CACNA2D3: variants seen among roughly 807,000 people sequenced by gnomAD.
CACNA2D3 encodes the protein calcium voltage-gated channel auxiliary subunit alpha2delta 3.
Under a neutral mutation model 160.6 loss-of-function variants are expected in CACNA2D3, and 60 were observed. The ratio of observed to expected loss-of-function variants is 0.37; its 90% CI spans 0.30 to 0.46. The LOEUF (loss-of-function observed/expected upper bound fraction) is 0.46. CACNA2D3 is among the 20% of genes least tolerant of loss of function. The pLI is 1.00. For missense variants in CACNA2D3, 1,205 were observed against 1,365.0 expected (o/e 0.88, Z 1.85); for synonymous variants, 558 against 492.9 (o/e 1.13, Z -1.75).
chr3:54,981,102 T>C (rs1481267080), intron 29 of CACNA2D3, among the ~76,000 whole-genome samples: 1 of 152,174 alleles, frequency 6.6e-6, no homozygotes, highest in African/African-American at 2.4e-5. Context: ...CATGCTGCCA[T>C]GGTGAAAAGA....
At chr3:54,161,711 A>G (rs1349208) in intron 2 of CACNA2D3, among the ~76,000 whole-genome samples, 3,647 of 152,310 alleles carry the variant, frequency 0.024, 245 homozygotes, top group East Asian at 0.2. Flanking sequence ...GTTCAATATC[A>G]TGATATGAAA....
intron 2 of CACNA2D3, among the ~76,000 whole-genome samples, chr3:54,253,922 C>G (rs1702245401): frequency 6.6e-6 from 1 of 151,932 alleles, no homozygotes; most frequent in Non-Finnish European, 1.5e-5. Context: ...TGCCTGCCAC[C>G]ACGCCTGGCT....
intron 4 of CACNA2D3, among the ~76,000 whole-genome samples, chr3:54,462,471 C>A (rs1700525289): frequency 6.6e-6 from 1 of 152,138 alleles, no homozygotes. Context: ...GTATTGGGGG[C>A]ATATATATTT....
intron 9 of CACNA2D3, among the ~76,000 whole-genome samples, chr3:54,609,734 T>C (rs1698710241): frequency 6.6e-6 from 1 of 152,228 alleles, no homozygotes; most frequent in Non-Finnish European, 1.5e-5. Context: ...CTTGTGTATA[T>C]TGTGACTCTC....
chr3:54,472,740 T>C (rs1162657973), intron 4 of CACNA2D3, among the ~76,000 whole-genome samples: 1 of 152,090 alleles, frequency 6.6e-6, no homozygotes, highest in African/African-American at 2.4e-5. Flanking sequence ...TGTACACCAA[T>C]AATAGATAAA....
At chr3:54,147,892 C>CA (rs1700066352) in intron 2 of CACNA2D3, among the ~76,000 whole-genome samples, 1 of 152,218 alleles carries the variant, frequency 6.6e-6, no homozygotes, top group Non-Finnish European at 1.5e-5. Context: ...CCACAACCTC[C>CA]GCCTCCTGGG....
chr3:54,274,110 A>G (rs1307163866), intron 2 of CACNA2D3, among the ~76,000 whole-genome samples: 1 of 152,086 alleles, frequency 6.6e-6, no homozygotes, highest in Admixed American at 6.6e-5. Flanking sequence ...TGACTCTAAC[A>G]TTTACCCCAT....
At chr3:54,921,010 G>C (rs560459285) in intron 27 of CACNA2D3, among the ~76,000 whole-genome samples, 1 of 152,206 alleles carries the variant, frequency 6.6e-6, no homozygotes, top group Non-Finnish European at 1.5e-5. Flanking sequence ...CTGTGCAGGT[G>C]ATCCTCAGCC....
At chr3:54,827,697 A>C (rs915118426) in intron 14 of CACNA2D3, among the ~76,000 whole-genome samples, 41 of 152,338 alleles carry the variant, frequency 2.7e-4, no homozygotes, top group African/African-American at 9.6e-4. Context: ...AGACTGTATA[A>C]TGTGAAAGAG....
chr3:55,060,212 T>A (rs928389593), intron 35 of CACNA2D3, among the ~76,000 whole-genome samples: 3 of 152,160 alleles, frequency 2.0e-5, no homozygotes, highest in Non-Finnish European at 2.9e-5. Context: ...CTATTAAACC[T>A]GTGCTATCTT....
At chr3:54,370,629 A>G (rs1470355276) in intron 3 of CACNA2D3, among the ~76,000 whole-genome samples, 2 of 152,220 alleles carry the variant, frequency 1.3e-5, no homozygotes, top group Non-Finnish European at 1.5e-5. Flanking sequence ...CCAAGGACTT[A>G]TTGTACCCAT....
chr3:54,822,779 T>C (rs1365980021), intron 14 of CACNA2D3, among the ~76,000 whole-genome samples: 1,605 of 87,830 alleles, frequency 0.018, 64 homozygotes, highest in African/African-American at 0.066. Flanking sequence ...TCTTTCTTTC[T>C]TTCTTTCTTT....
Position 54,420,527 on chromosome 3 carries a change from C to T in CACNA2D3, c.381+33753C>T, listed in dbSNP as rs534487880. 5.9e-5 allele frequency among the ~76,000 whole-genome samples: 9 copies of T among 152,330 alleles called. No homozygotes were observed. The East Asian group carries it at 1.5e-3, about 26-fold the overall frequency. On this transcript the variant is annotated intron_variant, in intron 4 of 37. Transcript: ENST00000474759. ...TTTTGACCTCAGATCTCAGTGACAT[C>T]TCCTGCCAGGTCCACTTCCAGTCTC...
chr3:55,072,423 A>G (rs2107235538), intron 35 of CACNA2D3, among the ~76,000 whole-genome samples: 1 of 152,378 alleles, frequency 6.6e-6, no homozygotes, highest in Middle Eastern at 3.4e-3. Context: ...CCCATAAAGC[A>G]GAAGAACTTT....
intron 27 of CACNA2D3, among the ~76,000 whole-genome samples, chr3:54,966,023 G>A (rs990867966): frequency 8.5e-5 from 13 of 152,284 alleles, no homozygotes; most frequent in African/African-American, 2.6e-4. Flanking sequence ...GTAGAGGACC[G>A]ACAGGGGCAG....
intron 11 of CACNA2D3, among the ~76,000 whole-genome samples, chr3:54,691,038 G>C (rs772830184): frequency 1.3e-5 from 2 of 152,140 alleles, no homozygotes; most frequent in African/African-American, 4.8e-5. Flanking sequence ...TTGTGTGTGC[G>C]TGTGTCTGTG....
At chr3:55,038,435 C>G (rs1384020688) in intron 35 of CACNA2D3, among the ~76,000 whole-genome samples, 2 of 152,084 alleles carry the variant, frequency 1.3e-5, no homozygotes, top group African/African-American at 4.8e-5. Context: ...TATGAACATG[C>G]ATTCACAGGC....
intron 11 of CACNA2D3, among the ~76,000 whole-genome samples, chr3:54,677,622 G>GT (rs1215103433): frequency 1.1e-5 from 1 of 93,898 alleles, no homozygotes; most frequent in African/African-American, 3.6e-5. Context: ...TTTTTTTTTG[G>GT]GGGGGGGGCA....
intron 11 of CACNA2D3, among the ~76,000 whole-genome samples, chr3:54,724,792 G>A (rs1469469083): frequency 6.6e-6 from 1 of 152,114 alleles, no homozygotes; most frequent in Non-Finnish European, 1.5e-5. Flanking sequence ...GAAATTTATA[G>A]CATTAAATGC....
Sources: gnomAD v4.1 joint callset for allele counts (sites outside exome capture counted in the v4.1 genomes callset) on GRCh38, gnomAD v4.1.1 for gene constraint, MANE v1.5 for transcripts, NCBI Gene and HGNC (gene_info 2026-07-23, HGNC 2026-07-21) for gene names.